BCAT1: variants seen among roughly 807,000 people sequenced by gnomAD.
The protein encoded by BCAT1 is branched chain amino acid transaminase 1, also known as branched-chain-amino-acid aminotransferase, cytosolic.
Under a neutral mutation model 52.4 loss-of-function variants are expected in BCAT1, and 48 were observed. The ratio of observed to expected loss-of-function variants is 0.92; its 90% CI spans 0.73 to 1.16. BCAT1 has a LOEUF of 1.16. Among genes scored for constraint, BCAT1 ranks in the 50% most tolerant of loss-of-function variants. BCAT1 has a pLI of 0.00. For synonymous variants in BCAT1, 167 were observed against 161.3 expected, an observed-to-expected ratio of 1.04 and a Z score of -0.27; for missense variants, 451 against 457.1, an observed-to-expected ratio of 0.99 and a Z score of 0.12.
rs1939799704 is a variant in BCAT1, at chr12:24,814,461, G to T, written c.*3547C>A. On this transcript the variant is annotated 3_prime_UTR_variant, in exon 11 of 11. Transcript: ENST00000261192. ...AATATAGTGACTGAGCACTGAGTGG[G>T]ATTGAAGAAAATAAATGAGCTTATT... 6.6e-6 allele frequency: 1 copy of T among 151,544 alleles called. No individual in the cohort carries two copies. The highest frequency in any genetic ancestry group is 2.4e-5 in the African/African-American group (1 of 41,294). 9.4% of individuals were successfully genotyped at this position (151,544 alleles called of 1,614,324 possible).
chr12:24,944,558 G>A (rs779144183), intron 1 of BCAT1, among the ~76,000 whole-genome samples: 4 of 152,214 alleles, frequency 2.6e-5, no homozygotes, highest in Non-Finnish European at 5.9e-5. Context: ...AATTTGATCT[G>A]TAATCCTATG....
At chr12:24,885,254 T>A (rs1182371371) in intron 3 of BCAT1, among the ~76,000 whole-genome samples, 2 of 152,210 alleles carry the variant, frequency 1.3e-5, no homozygotes, top group East Asian at 3.8e-4. Flanking sequence ...ATTATATTCC[T>A]ATGTAATAGC....
At chr12:24,911,166 A>G (rs1461640940) in intron 1 of BCAT1, among the ~76,000 whole-genome samples, 1 of 152,012 alleles carries the variant, frequency 6.6e-6, no homozygotes, top group Non-Finnish European at 1.5e-5. Flanking sequence ...CTTGTTTTAC[A>G]TTACTAATAT....
intron 10 of BCAT1, among the ~76,000 whole-genome samples, chr12:24,819,234 A>G (rs564582706): frequency 1.6e-4 from 25 of 152,190 alleles, no homozygotes; most frequent in Non-Finnish European, 3.2e-4. Context: ...TTTCCAAGCC[A>G]GTGTATCAGG....
In BCAT1 at chr12:24,817,514, T is replaced by G. The variant is rs145452611; in HGVS notation, c.*494A>C. The G allele has an allele frequency of 1.3e-5, 2 of 156,448 alleles. No homozygotes were observed. The highest frequency in any genetic ancestry group is 4.8e-5 in the African/African-American group (2 of 41,304). 9.7% of individuals were successfully genotyped at this position (156,448 alleles called of 1,614,324 possible). Reference sequence around the variant, plus strand: ...GACTTGGAGGACCTTCAAAAAACAGTGATGGGAGGAAATCCAGTTTTAAAA... The same window carrying G: ...GACTTGGAGGACCTTCAAAAAACAGGGATGGGAGGAAATCCAGTTTTAAAA... On this transcript the variant is annotated 3_prime_UTR_variant, in exon 11 of 11. Transcript: ENST00000261192.
intron 1 of BCAT1, among the ~76,000 whole-genome samples, chr12:24,929,859 G>A (rs529484339): frequency 3.9e-5 from 6 of 152,164 alleles, no homozygotes; most frequent in Middle Eastern, 3.4e-3. Flanking sequence ...CCATGTGTAC[G>A]CACAAAATAA....
intron 5 of BCAT1, among the ~76,000 whole-genome samples, chr12:24,859,445 C>T (rs535210721): frequency 6.6e-6 from 1 of 151,774 alleles, no homozygotes; most frequent in African/African-American, 2.4e-5. Context: ...ATGGTGAAAC[C>T]CCGTCTCTAC....
At chr12:24,842,442 C>T (rs572331820) in intron 6 of BCAT1, among the ~76,000 whole-genome samples, 8 of 152,090 alleles carry the variant, frequency 5.3e-5, no homozygotes, top group South Asian at 2.1e-4. Flanking sequence ...GAGAGAACAA[C>T]GTGAAACCTT....
intron 3 of BCAT1, among the ~76,000 whole-genome samples, chr12:24,884,368 G>A (rs1351515763): frequency 2.0e-5 from 3 of 152,274 alleles, no homozygotes; most frequent in Non-Finnish European, 4.4e-5. Context: ...GAAGATGTTG[G>A]TCAAAGGGAA....
intron 1 of BCAT1, among the ~76,000 whole-genome samples, chr12:24,920,484 T>C (rs1943485607): frequency 6.6e-6 from 1 of 152,232 alleles, no homozygotes; most frequent in Non-Finnish European, 1.5e-5. Context: ...TATTTTATTT[T>C]TGGAGTGTTT....
chr12:24,816,747 ACAGACTG>A lies in BCAT1; in HGVS notation c.*1254_*1260del. ...CAGTTTTGTGGAAGACAATTTTTCC[ACAGACTG>A]CAGGGTGAAGGGTGGTTTCAGGATG... On this transcript the variant is annotated 3_prime_UTR_variant, in exon 11 of 11. Transcript: ENST00000261192. The A allele has an allele frequency of 2.5e-6, 1 of 393,676 alleles. No individual in the cohort carries two copies. The highest frequency in any genetic ancestry group is 4.5e-6 in the Non-Finnish European group (1 of 223,170). The allele number at this position is 393,676 out of a possible 1,614,324, so 24.4% of individuals were successfully genotyped here. A position where few individuals can be genotyped will look rare whatever the true frequency, so the allele number is the denominator to read the frequency against.
chr12:24,868,557 A>G (rs1442053036), intron 5 of BCAT1, among the ~76,000 whole-genome samples: 1 of 152,250 alleles, frequency 6.6e-6, no homozygotes, highest in African/African-American at 2.4e-5. Flanking sequence ...TAGACCACTC[A>G]ATAAATGGTG....
intron 2 of BCAT1, among the ~76,000 whole-genome samples, chr12:24,895,915 A>C (rs1397272021): frequency 6.6e-6 from 1 of 152,236 alleles, no homozygotes; most frequent in Admixed American, 6.5e-5. Flanking sequence ...TAAGGACAGA[A>C]TATTACTGTA....
At chr12:24,944,200 T>C (rs1463719378) in intron 1 of BCAT1, among the ~76,000 whole-genome samples, 1 of 152,206 alleles carries the variant, frequency 6.6e-6, no homozygotes, top group Non-Finnish European at 1.5e-5. Flanking sequence ...CAGCTGTCTT[T>C]TAACTCTACC....
rs11047724 is a variant in BCAT1, at chr12:24,949,010, C to G, written c.-78G>C. Reference sequence around the variant, plus strand: ...GGTCGTAGCCCCTGGCCGTGTGGACCGGGTCTGCGGCTGCAGAGCGCGGTC... The same window carrying G: ...GGTCGTAGCCCCTGGCCGTGTGGACGGGGTCTGCGGCTGCAGAGCGCGGTC... On this transcript the variant is annotated 5_prime_UTR_variant, in exon 1 of 11. Coordinates refer to ENST00000261192, the MANE Select transcript of BCAT1 (RefSeq NM_005504.7). 6 of 1,494,398 alleles carry G rather than the reference C, an allele frequency of 4.0e-6. No homozygotes were observed. Among genetic ancestry groups the G allele is most frequent in the South Asian group, 3.7e-5 (3 of 81,826 alleles). The allele number at this position is 1,494,398 out of a possible 1,614,324, so 92.6% of individuals were successfully genotyped here.
At chr12:24,867,440 C>G (rs1418017679) in intron 5 of BCAT1, among the ~76,000 whole-genome samples, 1 of 150,700 alleles carries the variant, frequency 6.6e-6, no homozygotes, top group Non-Finnish European at 1.5e-5. Context: ...CTGTCATTGC[C>G]AAACGTCATA....
rs1322280316 is a variant in BCAT1, at chr12:24,810,553, CTTT to C, written c.*7452_*7454del. The C allele has an allele frequency of 2.6e-5, 4 of 152,272 alleles. No individual in the cohort carries two copies. In the East Asian group the frequency reaches 5.8e-4, roughly 22 times the overall value. The allele number at this position is 152,272 out of a possible 1,614,324, so 9.4% of individuals were successfully genotyped here. ...TCACCCTCAGGAATGACAGGTCTCT[CTTT>C]CTCACGCTTGTGGGAATTGAGCGTT... On this transcript the variant is annotated 3_prime_UTR_variant, in exon 11 of 11. Transcript: ENST00000261192.
chr12:24,946,651 TCA>T (rs1267921043), intron 1 of BCAT1, among the ~76,000 whole-genome samples: 1 of 152,210 alleles, frequency 6.6e-6, no homozygotes, highest in Non-Finnish European at 1.5e-5. Flanking sequence ...GACTGAAGTC[TCA>T]CACTCCTATC....
intron 1 of BCAT1, among the ~76,000 whole-genome samples, chr12:24,911,855 A>C (rs982575072): frequency 1.3e-5 from 2 of 152,264 alleles, no homozygotes; most frequent in African/African-American, 4.8e-5. Context: ...GGATAAAAAG[A>C]TTAGGAATTT....
Sources: allele counts gnomAD v4.1 joint callset (sites outside exome capture counted in the v4.1 genomes callset), GRCh38; gene constraint gnomAD v4.1.1; transcripts MANE v1.5; gene names NCBI Gene and HGNC (gene_info 2026-07-23, HGNC 2026-07-21).